Variants in MED13 observed in about 807,000 individuals in gnomAD.
MED13 encodes the protein mediator of RNA polymerase II transcription subunit 13.
MED13 carries 23 observed loss-of-function variants against 225.2 expected under a neutral mutation model. The ratio of observed to expected loss-of-function variants is 0.10; its 90% CI spans 0.07 to 0.14. MED13 has a LOEUF of 0.14. Among genes scored for constraint, MED13 ranks in the 10% least tolerant of loss-of-function variants. The probability of loss-of-function intolerance (pLI) is 1.00; values close to 1 mark genes in which losing one functional copy is unlikely to be tolerated. For synonymous variants in MED13, 942 were observed against 889.2 expected (o/e 1.06, Z -1.06); for missense variants, 2,197 against 2,594.5 (o/e 0.85, Z 3.33).
At chr17:62,061,990 C>T (rs1437779152) in intron 2 of MED13, among the ~76,000 whole-genome samples, 1 of 152,146 alleles carries the variant, frequency 6.6e-6, no homozygotes, top group Non-Finnish European at 1.5e-5. Flanking sequence ...AAATGTAACA[C>T]GTACATTCCT....
At chr17:62,022,151 G>A (rs746845283) in intron 8 of MED13, among the ~76,000 whole-genome samples, 3 of 139,464 alleles carry the variant, frequency 2.2e-5, no homozygotes, top group Non-Finnish European at 3.0e-5. Flanking sequence ...CTGGGCAACA[G>A]AGCAAGACTG....
In MED13 at chr17:61,965,286, T is replaced by C. The variant is rs2080046891; in HGVS notation, c.4564A>G (p.Ile1522Val). 14 of 1,614,224 alleles carry C rather than the reference T, an allele frequency of 8.7e-6. No homozygotes were observed. The highest frequency in any genetic ancestry group is 1.1e-5 in the Non-Finnish European group (13 of 1,180,028). The change falls in exon 20 of 30, where the codon ATA becomes GTA. Residue 1522 changes from isoleucine (I) to valine (V), a missense_variant. Physicochemically the swap from Ile to Val is conservative, Grantham distance 29 (BLOSUM62 3). Coordinates refer to ENST00000397786, the MANE Select transcript of MED13 (RefSeq NM_005121.3). ...STMTVTSGVAISTSVATANST... is the reference protein window; with the variant it reads ...STMTVTSGVAVSTSVATANST... The stretch of plus-strand genomic sequence containing the variant: ...TTAGCTGTGGCAACTGAAGTAGATA[T>C]GGCAACACCTGAAGTCACTGTCATA...
rs1385565467 is a variant in MED13 at position 61,945,844 on chromosome 17, C to T, written c.*624G>A. 1 of 152,416 alleles carries T rather than the reference C, an allele frequency of 6.6e-6. No individual in the cohort carries two copies. Among genetic ancestry groups the T allele is most frequent in the Non-Finnish European group, 1.5e-5 (1 of 68,022 alleles). The allele number at this position is 152,416 out of a possible 1,614,324, so 9.4% of individuals were successfully genotyped here. Reference sequence around the variant, plus strand: ...CAATACAAATTTACTGTCCCACCCACCCCCTTACAAAAAAATAATACTCTA... The same window carrying T: ...CAATACAAATTTACTGTCCCACCCATCCCCTTACAAAAAAATAATACTCTA... On this transcript the variant is annotated 3_prime_UTR_variant, in exon 30 of 30. Transcript: ENST00000397786.
chr17:62,048,074 A>G (rs7208268), intron 3 of MED13, among the ~76,000 whole-genome samples: 53 of 146,860 alleles, frequency 3.6e-4, no homozygotes, highest in African/African-American at 9.4e-4. Context: ...GTATATATGT[A>G]TATATATATC....
chr17:62,031,423 T>C (rs765647144), intron 6 of MED13, 21 bp downstream of exon 6: 3 of 1,533,312 alleles, frequency 2.0e-6, no homozygotes, highest in Non-Finnish European at 2.6e-6. Context: ...CCAGAGCTGA[T>C]GAGACAAATT....
At chr17:61,950,784 C>T (rs1418142009) in intron 28 of MED13, 41 bp downstream of exon 28, 1 of 1,569,940 alleles carries the variant, frequency 6.4e-7, no homozygotes, top group Non-Finnish European at 8.7e-7. Context: ...CTTAGGCTGT[C>T]AATCAGAATT....
At chr17:61,967,181 T>G (rs2080065985) in intron 18 of MED13, among the ~76,000 whole-genome samples, 1 of 152,170 alleles carries the variant, frequency 6.6e-6, no homozygotes, top group Non-Finnish European at 1.5e-5. Flanking sequence ...TTAAGCAAAC[T>G]TAGAAGAGTT....
At chr17:61,948,989 G>C (rs1414682038) in intron 28 of MED13, among the ~76,000 whole-genome samples, 2 of 150,522 alleles carry the variant, frequency 1.3e-5, no homozygotes, top group African/African-American at 4.9e-5. Context: ...TTGGGAGGCT[G>C]AGGCAGGAGA....
intron 9 of MED13, among the ~76,000 whole-genome samples, chr17:62,003,545 CAGTGAGCCA>C (rs914516804): frequency 7.6e-6 from 1 of 130,852 alleles, no homozygotes; most frequent in African/African-American, 3.1e-5. Flanking sequence ...GCAGAGGTTG[CAGTGAGCCA>C]AGATTGTGCC....
chr17:61,950,991 C>T lies in MED13; in HGVS notation c.6125G>A (p.Ser2042Asn). ...TTCTGTTGATAGTAGCCGATCAGTA[C>T]TCTGACCCTTAAAAAGACAAAATTA... is the stretch of plus-strand genomic sequence containing the variant. Reference protein sequence around the residue: ...PHGGDAGKGQSTDRLLSTEPH... With the variant: ...PHGGDAGKGQNTDRLLSTEPH... Residue 2042 changes from serine (S) to asparagine (N), a missense_variant, in exon 28 of 30, where the codon AGT becomes AAT. This residue lies in a region of MED13 where 216 missense variants were observed against 388.9 expected (regional missense o/e 0.56). Coordinates refer to ENST00000397786, the MANE Select transcript of MED13 (RefSeq NM_005121.3). 1.9e-6 allele frequency: 3 copies of T among 1,609,816 alleles called. No homozygotes were observed. The South Asian group carries it at 3.3e-5, about 18-fold the overall frequency.
At chr17:62,043,456 A>T (rs1162293344) in intron 3 of MED13, among the ~76,000 whole-genome samples, 1 of 152,188 alleles carries the variant, frequency 6.6e-6, no homozygotes, top group African/African-American at 2.4e-5. Flanking sequence ...CACCTAATTT[A>T]GCAGAGAGTT....
At chr17:61,990,029 T>C (rs1244157466) in intron 11 of MED13, among the ~76,000 whole-genome samples, 1 of 152,212 alleles carries the variant, frequency 6.6e-6, no homozygotes, top group Non-Finnish European at 1.5e-5. Context: ...TTTTTCTTAT[T>C]TTTGGTTATC....
intron 3 of MED13, among the ~76,000 whole-genome samples, chr17:62,047,028 C>T (rs1484113867): frequency 7.8e-6 from 1 of 128,020 alleles, no homozygotes; most frequent in African/African-American, 3.6e-5. Flanking sequence ...TGCCACTGTG[C>T]CCAGCTTTTT....
intron 17 of MED13, among the ~76,000 whole-genome samples, chr17:61,970,281 A>G (rs12451939): frequency 0.026 from 3,923 of 152,310 alleles, 71 homozygotes; most frequent in Middle Eastern, 0.058. Flanking sequence ...GTACTATTTA[A>G]TCTCTCAAAC....
chr17:61,977,608 C>T (rs1319703101), intron 16 of MED13, among the ~76,000 whole-genome samples: 3 of 152,066 alleles, frequency 2.0e-5, no homozygotes, highest in Admixed American at 6.5e-5. Flanking sequence ...CCCGCCACCA[C>T]GCCTGGCTAA....
rs1423486433 is a variant in MED13 at position 61,944,632 on chromosome 17, G to C, written c.*1836C>G. ...AAGAAGTTATGTTGTTCATAAGAAA[G>C]TGATATTTAATTCTAAGCACAGAGT... On this transcript the variant is annotated 3_prime_UTR_variant, in exon 30 of 30. Transcript: ENST00000397786. 2.6e-5 allele frequency: 4 copies of C among 151,956 alleles called. No individual in the cohort carries two copies. Among genetic ancestry groups the C allele is most frequent in the Non-Finnish European group, 4.4e-5 (3 of 67,974 alleles). The allele number at this position is 151,956 out of a possible 1,614,324, so 9.4% of individuals were successfully genotyped here.
intron 16 of MED13, 47 bp downstream of exon 16, chr17:61,982,151 T>A: frequency 6.5e-7 from 1 of 1,526,914 alleles, no homozygotes; most frequent in South Asian, 1.3e-5. Context: ...AGAATGTAAC[T>A]AAAGGGAAAT....
intron 3 of MED13, among the ~76,000 whole-genome samples, chr17:62,044,196 G>A (rs1377061601): frequency 6.6e-6 from 1 of 151,700 alleles, no homozygotes; most frequent in African/African-American, 2.4e-5. Context: ...CAGCTTTATG[G>A]GTGAAATTTA....
At chr17:62,057,102 C>T (rs1022258690) in intron 2 of MED13, among the ~76,000 whole-genome samples, 4 of 152,038 alleles carry the variant, frequency 2.6e-5, no homozygotes, top group African/African-American at 4.8e-5. Flanking sequence ...AATATCTCCA[C>T]GGTGGTAAAA....
Sources: gnomAD v4.1 joint callset for allele counts (sites outside exome capture counted in the v4.1 genomes callset) on GRCh38, gnomAD v4.1.1 for gene constraint, gnomAD v4.1.1 regional missense constraint, MANE v1.5 for transcripts, NCBI Gene and HGNC (gene_info 2026-07-23, HGNC 2026-07-21) for gene names.